Variants in CTNNA3 observed in about 807,000 individuals in gnomAD.
CTNNA3 encodes catenin alpha-3.
In CTNNA3, 76 loss-of-function variants were observed where a neutral mutation model predicts 95.7. That is an observed-to-expected ratio of 0.79 (90% CI 0.66 to 0.96). The LOEUF (loss-of-function observed/expected upper bound fraction) is 0.96. CTNNA3 is among the 40% of genes least tolerant of loss of function. The pLI is 0.00. For missense variants in CTNNA3, 1,191 were observed against 1,089.8 expected (o/e 1.09, Z -1.31); for synonymous variants, 431 against 374.4 (o/e 1.15, Z -1.74).
intron 13 of CTNNA3, among the ~76,000 whole-genome samples, chr10:66,211,996 T>TG (rs1233319408): frequency 1.4e-5 from 2 of 145,140 alleles, no homozygotes; most frequent in African/African-American, 5.2e-5. Flanking sequence ...TTTTTTTTTT[T>TG]TTTTTTTTTT....
At chr10:67,142,567 T>C (rs10997529) in intron 7 of CTNNA3, among the ~76,000 whole-genome samples, 79,334 of 151,998 alleles carry the variant, frequency 0.52, 20,883 homozygotes, top group Middle Eastern at 0.66. Flanking sequence ...AAATTACATT[T>C]ACTCTATATT....
intron 9 of CTNNA3, among the ~76,000 whole-genome samples, chr10:66,754,909 C>A (rs1231996451): frequency 6.6e-6 from 1 of 152,134 alleles, no homozygotes; most frequent in Non-Finnish European, 1.5e-5. Flanking sequence ...GTTTCTCTAA[C>A]TGTTAAACAT....
intron 3 of CTNNA3, among the ~76,000 whole-genome samples, chr10:67,601,019 C>T (rs917553938): frequency 6.6e-6 from 1 of 152,186 alleles, no homozygotes; most frequent in Non-Finnish European, 1.5e-5. Flanking sequence ...AGAGTAGTAG[C>T]TGGTAGCGGG....
intron 9 of CTNNA3, among the ~76,000 whole-genome samples, chr10:66,708,258 C>T (rs1007268833): frequency 2.0e-5 from 3 of 151,392 alleles, no homozygotes; most frequent in Non-Finnish European, 4.4e-5. Flanking sequence ...CTGGATGTAG[C>T]TTAAACAACA....
chr10:67,525,516 T>G (rs1840114976), intron 4 of CTNNA3, among the ~76,000 whole-genome samples: 1 of 152,176 alleles, frequency 6.6e-6, no homozygotes, highest in Non-Finnish European at 1.5e-5. Flanking sequence ...CAGATACATT[T>G]TTTCTCCTTT....
chr10:67,477,769 A>C (rs1277335572), intron 5 of CTNNA3, among the ~76,000 whole-genome samples: 1 of 152,258 alleles, frequency 6.6e-6, no homozygotes, highest in Non-Finnish European at 1.5e-5. Context: ...GAATTCTGGC[A>C]CCTGAAAAAC....
At chr10:66,554,307 A>G (rs541667454) in intron 10 of CTNNA3, among the ~76,000 whole-genome samples, 20 of 152,284 alleles carry the variant, frequency 1.3e-4, no homozygotes, top group African/African-American at 4.1e-4. Context: ...TTTATACAGT[A>G]TATCAGTGAT....
chr10:66,913,134 G>T (rs1202030827), intron 7 of CTNNA3, among the ~76,000 whole-genome samples: 2 of 150,318 alleles, frequency 1.3e-5, no homozygotes, highest in Non-Finnish European at 3.0e-5. Context: ...AGCTACTCGG[G>T]AGGCTGAGGC....
intron 5 of CTNNA3, among the ~76,000 whole-genome samples, chr10:67,391,960 A>T (rs1436692114): frequency 6.6e-6 from 1 of 151,484 alleles, no homozygotes; most frequent in Admixed American, 6.6e-5. Flanking sequence ...CCCTAGAAGA[A>T]AACCTAGGCA....
intron 2 of CTNNA3, among the ~76,000 whole-genome samples, chr10:67,624,207 G>A (rs1843945882): frequency 6.6e-6 from 1 of 152,116 alleles, no homozygotes; most frequent in Non-Finnish European, 1.5e-5. Context: ...CTAATGTCCA[G>A]ACTCGCCAAA....
At chr10:67,092,261 C>T (rs747230199) in intron 7 of CTNNA3, among the ~76,000 whole-genome samples, 53 of 151,748 alleles carry the variant, frequency 3.5e-4, no homozygotes, top group Non-Finnish European at 6.6e-4. Context: ...GGAAGATTTC[C>T]CCTGTGATAT....
At chr10:67,025,453 A>G (rs17279432) in intron 7 of CTNNA3, among the ~76,000 whole-genome samples, 12,965 of 152,100 alleles carry the variant, frequency 0.085, 779 homozygotes, top group South Asian at 0.28. Flanking sequence ...AATGCTTGGG[A>G]AAATAAGATC....
chr10:67,636,762 G>A (rs541190519), intron 2 of CTNNA3, among the ~76,000 whole-genome samples: 8 of 152,306 alleles, frequency 5.3e-5, no homozygotes, highest in Middle Eastern at 3.4e-3. Context: ...AAGGTCTGGA[G>A]TGGACCTCCA....
At chr10:67,696,483 T>C (rs1232950191), upstream of CTNNA3, among the ~76,000 whole-genome samples, 1 of 152,210 alleles carries the variant, frequency 6.6e-6, no homozygotes, top group Admixed American at 6.5e-5. Context: ...AGATCAATTA[T>C]GTAAAATTCA....
intron 13 of CTNNA3, among the ~76,000 whole-genome samples, chr10:66,201,778 T>C (rs1383156390): frequency 8.2e-6 from 1 of 122,208 alleles, no homozygotes; most frequent in Non-Finnish European, 1.7e-5. Context: ...GTCTTTTTAC[T>C]TTTTCTTTTT....
In CTNNA3 at chr10:66,317,830, G is replaced by T. The variant is rs142329659; in HGVS notation, c.1733-37209C>A. On this transcript the variant is annotated intron_variant, in intron 12 of 17. Transcript: ENST00000433211. ...AAGGACATTTGAATTTTCTGTCAAG[G>T]TTATGAAAATGATCTCTGAAAGCTC... Among the ~76,000 whole-genome samples the T allele has an allele frequency of 1.8e-3, 270 of 152,038 alleles. 5 individuals carry two copies. In the East Asian group the frequency reaches 0.042, roughly 24 times the overall value.
intron 3 of CTNNA3, among the ~76,000 whole-genome samples, chr10:67,546,765 A>C (rs1000188760): frequency 1.3e-5 from 2 of 152,190 alleles, no homozygotes; most frequent in Non-Finnish European, 2.9e-5. Context: ...TTTTGAGGTG[A>C]AAAAATAAAC....
chr10:67,041,043 C>T (rs1427192560), intron 7 of CTNNA3, among the ~76,000 whole-genome samples: 6 of 151,978 alleles, frequency 3.9e-5, no homozygotes, highest in Non-Finnish European at 8.8e-5. Context: ...TTTTTACACA[C>T]ACAAAGAAAA....
intron 10 of CTNNA3, among the ~76,000 whole-genome samples, chr10:66,621,363 C>T (rs1239215653): frequency 6.6e-6 from 1 of 151,988 alleles, no homozygotes; most frequent in East Asian, 1.9e-4. Context: ...GTGGCTCACG[C>T]CTGTAATCCC....
Sources: allele counts gnomAD v4.1 joint callset (sites outside exome capture counted in the v4.1 genomes callset), GRCh38; gene constraint gnomAD v4.1.1; transcripts MANE v1.5; gene names NCBI Gene and HGNC (gene_info 2026-07-23, HGNC 2026-07-21).